SYT1: variants seen among roughly 807,000 people sequenced by gnomAD.
SYT1 encodes the protein synaptotagmin-1.
SYT1 carries 8 observed loss-of-function variants against 44.8 expected under a neutral mutation model. The ratio of observed to expected loss-of-function variants is 0.18; its 90% CI spans 0.10 to 0.32. The LOEUF (loss-of-function observed/expected upper bound fraction) is 0.32, where lower values mean the gene tolerates loss of function less well. SYT1 is among the 10% of genes least tolerant of loss of function. The pLI, the probability that SYT1 is intolerant of heterozygous loss-of-function variation, is 1.00. For synonymous variants in SYT1, 154 were observed against 188.8 expected, an observed-to-expected ratio of 0.82 and a Z score of 1.51; for missense variants, 286 against 509.3, an observed-to-expected ratio of 0.56 and a Z score of 4.22.
intron 3 of SYT1, among the ~76,000 whole-genome samples, chr12:79,072,008 A>G (rs997067649): frequency 3.3e-5 from 5 of 152,086 alleles, no homozygotes; most frequent in Admixed American, 1.3e-4. Context: ...TTAAAAGGTA[A>G]TGATTTAATT....
rs146637793 is a variant in SYT1, at chr12:79,125,943, C to A, written c.-18+78581C>A. On this transcript the variant is annotated intron_variant, in intron 3 of 10. Coordinates refer to ENST00000261205, the MANE Select transcript of SYT1 (RefSeq NM_005639.3). ...TTTATTTTCTTCAGAGCACTTCTTGCAATGTAACATCTGTTTATTTAGTGT... is the reference window on the plus strand; with the variant it reads ...TTTATTTTCTTCAGAGCACTTCTTGAAATGTAACATCTGTTTATTTAGTGT... Among the ~76,000 whole-genome samples the A allele has an allele frequency of 9.7e-3, 1,481 of 152,224 alleles. 11 individuals are homozygous for A. The highest frequency in any genetic ancestry group is 0.014 in the Non-Finnish European group (934 of 68,016).
At chr12:79,053,060 A>G (rs1353825379) in intron 3 of SYT1, among the ~76,000 whole-genome samples, 2 of 152,202 alleles carry the variant, frequency 1.3e-5, no homozygotes, top group Non-Finnish European at 2.9e-5. Context: ...GTGCACATGT[A>G]TGTTTATTGC....
intron 9 of SYT1, among the ~76,000 whole-genome samples, chr12:79,365,057 A>T (rs1319757137): frequency 6.6e-6 from 1 of 152,148 alleles, no homozygotes; most frequent in Admixed American, 6.5e-5. Context: ...ATACATAAGT[A>T]AAAAAGTAAC....
intron 4 of SYT1, among the ~76,000 whole-genome samples, chr12:79,238,607 G>A (rs901210518): frequency 2.4e-4 from 37 of 152,160 alleles, no homozygotes; most frequent in African/African-American, 8.0e-4. Flanking sequence ...CAAGATGCAG[G>A]GCAATTGGGT....
intron 4 of SYT1, among the ~76,000 whole-genome samples, chr12:79,243,430 A>G (rs1021581123): frequency 3.3e-5 from 5 of 152,220 alleles, no homozygotes; most frequent in East Asian, 3.8e-4. Flanking sequence ...AAGAATATTT[A>G]TTAGGTCTCT....
chr12:79,053,047 CAT>C (rs1220284818), intron 3 of SYT1, among the ~76,000 whole-genome samples: 81 of 152,226 alleles, frequency 5.3e-4, no homozygotes, highest in Admixed American at 4.1e-3. Context: ...GCTATAAAGA[CAT>C]GTGCACATGT....
intron 9 of SYT1, chr12:79,393,116 C>G (rs1884732965): frequency 1.3e-5 from 2 of 152,082 alleles, no homozygotes; most frequent in African/African-American, 4.8e-5. Context: ...CATCCATGTC[C>G]CTGCAAAGGA....
chr12:79,155,993 C>G (rs1427776410), intron 3 of SYT1, among the ~76,000 whole-genome samples: 2 of 152,222 alleles, frequency 1.3e-5, no homozygotes, highest in Non-Finnish European at 2.9e-5. Flanking sequence ...AGTCTCTAAC[C>G]AATCTTCCTA....
intron 3 of SYT1, among the ~76,000 whole-genome samples, chr12:79,146,933 C>T (rs922040471): frequency 2.6e-5 from 4 of 152,096 alleles, no homozygotes; most frequent in Non-Finnish European, 5.9e-5. Flanking sequence ...CTCTGCTTCC[C>T]GGGTTCAGGC....
At chr12:79,043,527 T>C (rs1474894594) in intron 2 of SYT1, among the ~76,000 whole-genome samples, 2 of 150,742 alleles carry the variant, frequency 1.3e-5, no homozygotes, top group African/African-American at 2.5e-5. Context: ...TGTCTCTGCA[T>C]GTGAGATGGG....
chr12:79,271,897 T>C (rs1477973102), intron 4 of SYT1, among the ~76,000 whole-genome samples: 3 of 152,366 alleles, frequency 2.0e-5, no homozygotes, highest in Middle Eastern at 6.8e-3. Flanking sequence ...ATACATTTTA[T>C]ACATTTGCAC....
chr12:79,003,099 G>T (rs1272662804), intron 2 of SYT1, among the ~76,000 whole-genome samples: 1 of 151,986 alleles, frequency 6.6e-6, no homozygotes, highest in Non-Finnish European at 1.5e-5. Flanking sequence ...AATCTATAGG[G>T]AGAGTCAGAA....
chr12:79,199,863 A>C (rs1254186771), intron 3 of SYT1, among the ~76,000 whole-genome samples: 1 of 152,192 alleles, frequency 6.6e-6, no homozygotes, highest in Non-Finnish European at 1.5e-5. Context: ...TTGATGAAAT[A>C]GATACATAAG....
At chr12:79,295,939 G>C (rs746610441) in intron 6 of SYT1, 130 bp from the exon 7 acceptor site, 79 of 1,065,654 alleles carry the variant, frequency 7.4e-5, no homozygotes, top group Non-Finnish European at 9.9e-5. Flanking sequence ...AGATTCATAA[G>C]AGAATCAGAG....
At chr12:79,364,517 A>C (rs1327490103) in intron 9 of SYT1, among the ~76,000 whole-genome samples, 8 of 152,088 alleles carry the variant, frequency 5.3e-5, no homozygotes, top group Admixed American at 1.3e-4. Flanking sequence ...TTAAATTACT[A>C]ATGGCCTAAA....
intron 3 of SYT1, among the ~76,000 whole-genome samples, chr12:79,150,838 T>G (rs1012034348): frequency 6.6e-6 from 1 of 152,206 alleles, no homozygotes; most frequent in African/African-American, 2.4e-5. Flanking sequence ...CTAAAGGCAT[T>G]TTCTTTTCAG....
At position 79,290,524 on chromosome 12, in the gene SYT1, G is replaced by T. The variant is rs377056517; in HGVS notation, c.352-1484G>T. On this transcript the variant is annotated intron_variant, in intron 5 of 10. Transcript: ENST00000261205. ...GATGACTGATGCCTATCTACAGCCT[G>T]GTTATACTTCTTGCATTTGAGTTCT... Among the ~76,000 whole-genome samples the T allele has an allele frequency of 4.6e-5, 7 of 152,180 alleles. 1 individual carries two copies. The highest frequency in any genetic ancestry group is 3.3e-4 in the Admixed American group (5 of 15,270).
chr12:79,100,909 C>T (rs1878409391), intron 3 of SYT1, among the ~76,000 whole-genome samples: 1 of 151,944 alleles, frequency 6.6e-6, no homozygotes, highest in African/African-American at 2.4e-5. Context: ...TTTAGGTGCT[C>T]TGTGAAGAAA....
At chr12:79,051,726 TGGATTAA>T (rs1874506470) in intron 3 of SYT1, among the ~76,000 whole-genome samples, 1 of 152,060 alleles carries the variant, frequency 6.6e-6, no homozygotes, top group Non-Finnish European at 1.5e-5. Flanking sequence ...TCTCTGAGAT[TGGATTAA>T]GTATATGAAG....
Sources: gnomAD v4.1 joint callset for allele counts (sites outside exome capture counted in the v4.1 genomes callset) on GRCh38, gnomAD v4.1.1 for gene constraint, MANE v1.5 for transcripts, NCBI Gene and HGNC (gene_info 2026-07-23, HGNC 2026-07-21) for gene names.